Variants in PCDHGA3 observed in about 807,000 individuals in gnomAD.
PCDHGA3 encodes protocadherin gamma subfamily A, 3, also known as protocadherin gamma-A3.
Under a neutral mutation model 58.5 loss-of-function variants are expected in PCDHGA3, and 40 were observed. That is an observed-to-expected ratio of 0.68 (90% CI 0.53 to 0.89). The LOEUF is 0.89. PCDHGA3 is among the 40% of genes least tolerant of loss of function. The pLI is 0.00. For missense variants in PCDHGA3, 1,223 were observed against 1,195.9 expected (o/e 1.02, Z -0.33); for synonymous variants, 530 against 525.7 (o/e 1.01, Z -0.11).
At chr5:141,448,999 GT>G (rs910018882) in intron 1 of PCDHGA3, among the ~76,000 whole-genome samples, 2 of 151,816 alleles carry the variant, frequency 1.3e-5, no homozygotes, top group African/African-American at 4.8e-5. Context: ...ATAGAAAGCT[GT>G]TTTTTTTAAC....
At chr5:141,403,178 T>G in intron 1 of PCDHGA3, 3 of 1,613,980 alleles carry the variant, frequency 1.9e-6, no homozygotes, top group Non-Finnish European at 2.5e-6. Context: ...GCAGCTTTTC[T>G]CTCTGAACCC....
At chr5:141,388,062 G>A (rs1237358865) in intron 1 of PCDHGA3, 1 of 1,380,416 alleles carries the variant, frequency 7.2e-7, no homozygotes, top group African/African-American at 1.5e-5. Flanking sequence ...CAGCGTCCAG[G>A]AGTTACCGAC....
intron 1 of PCDHGA3, chr5:141,413,704 A>C (rs749988351): frequency 6.2e-7 from 1 of 1,613,616 alleles, no homozygotes; most frequent in South Asian, 1.1e-5. Flanking sequence ...CTATCAGCTC[A>C]GCCCCAATAA....
intron 1 of PCDHGA3, chr5:141,350,434 G>A (rs1758473968): frequency 6.2e-7 from 1 of 1,610,710 alleles, no homozygotes; most frequent in East Asian, 2.2e-5. Flanking sequence ...GTGTCCGGGA[G>A]TTGCCAACTC....
intron 1 of PCDHGA3, chr5:141,428,236 G>A (rs1474911413): frequency 9.7e-7 from 1 of 1,026,978 alleles, no homozygotes; most frequent in Admixed American, 1.9e-5. Context: ...CAGCCTGCAG[G>A]AGGCACTGCC....
At position 141,362,552 on chromosome 5, in the gene PCDHGA3, T is replaced by C. The variant is rs190493890; in HGVS notation, c.2424+16095T>C. 340 of 1,612,744 alleles carry C rather than the reference T, an allele frequency of 2.1e-4. 1 individual carries two copies. The East Asian group carries it at 6.1e-3, about 29-fold the overall frequency. ...GTCCCTTTTGCCTCAGATACTATTT[T>C]GAAGGTGAGCTTTAATTAATTTATT... On this transcript the variant is annotated intron_variant, in intron 1 of 3. Transcript: ENST00000253812.
chr5:141,491,361 C>T lies in PCDHGA3; in HGVS notation c.2425-3446C>T. 1 of 1,614,132 alleles carries T rather than the reference C, an allele frequency of 6.2e-7. No homozygotes were observed. The highest frequency in any genetic ancestry group is 8.5e-7 in the Non-Finnish European group (1 of 1,179,982). ...CGACCGTCAGTCTCTTATCCCTAGT[C>T]ACCTTCACCTTTCTGTCAGCGAAGT... On this transcript the variant is annotated intron_variant, in intron 1 of 3. Transcript: ENST00000253812. The surrounding 1 kb of genome is among the most constrained non-coding windows in gnomAD (Gnocchi z 6.9).
chr5:141,419,638 C>G, intron 1 of PCDHGA3: 1 of 1,612,456 alleles, frequency 6.2e-7, no homozygotes, highest in Non-Finnish European at 8.5e-7. Context: ...AGGTGGTGGC[C>G]GTGGACGCGG....
At chr5:141,449,796 A>G (rs1358409274) in intron 1 of PCDHGA3, among the ~76,000 whole-genome samples, 2 of 151,590 alleles carry the variant, frequency 1.3e-5, no homozygotes, top group Admixed American at 6.6e-5. Context: ...TTATTCCTAA[A>G]TACCTCATTG....
chr5:141,360,214 G>C (rs1164103342), intron 1 of PCDHGA3: 4 of 1,613,376 alleles, frequency 2.5e-6, no homozygotes, highest in Non-Finnish European at 3.4e-6. Context: ...TTTGTTCCCC[G>C]GGGCTCTCCC....
rs1326296096 is a variant in PCDHGA3, at chr5:141,505,460, A to G, written c.2551A>G (p.Met851Val). The change falls in exon 3 of 4, where the codon ATG becomes GTG. Residue 851 changes from methionine to valine, a missense_variant. Transcript: ENST00000253812. Reference protein sequence around the residue: ...NQFDTEMLQAMILASASEAAD... With the variant: ...NQFDTEMLQAVILASASEAAD... ...GTTTGACACAGAGATGCTGCAAGCC[A>G]TGATCTTGGCGTCCGCCAGTGGTAA... 2 of 1,614,070 alleles carry G rather than the reference A, an allele frequency of 1.2e-6. No homozygotes were observed. The highest frequency in any genetic ancestry group is 1.3e-5 in the African/African-American group (1 of 74,942).
chr5:141,415,890 C>A lies in PCDHGA3; in HGVS notation c.2424+69433C>A, dbSNP rs2095969500. The A allele has an allele frequency of 9.7e-6, 9 of 931,410 alleles. No homozygotes were observed. In the South Asian group the frequency reaches 2.3e-4, roughly 24 times the overall value. 57.7% of individuals were successfully genotyped at this position (931,410 alleles called of 1,614,324 possible). On this transcript the variant is annotated intron_variant, in intron 1 of 3. Coordinates refer to ENST00000253812, the MANE Select transcript of PCDHGA3 (RefSeq NM_018916.4). Reference sequence around the variant, plus strand: ...GTTGTTGAGTACAATATTGACAATTCCTAAGACAGACTTCCATACAGAAGT... The same window carrying A: ...GTTGTTGAGTACAATATTGACAATTACTAAGACAGACTTCCATACAGAAGT...
rs753002448 is a variant in PCDHGA3 at position 141,355,220 on chromosome 5, G to T, written c.2424+8763G>T. 3.1e-6 allele frequency: 5 copies of T among 1,607,878 alleles called. No homozygotes were observed. In the African/African-American group the frequency reaches 4.0e-5, roughly 13 times the overall value. ...GTTGTAATGGCGGCGCCTCCTGCTC[G>T]CCCAGACCACACCCGGCTGCTCCAG... On this transcript the variant is annotated intron_variant, in intron 1 of 3. Transcript: ENST00000253812.
At chr5:141,381,441 G>A (rs1777194515) in intron 1 of PCDHGA3, among the ~76,000 whole-genome samples, 1 of 152,202 alleles carries the variant, frequency 6.6e-6, no homozygotes, top group Admixed American at 6.5e-5. Flanking sequence ...ATCCTGTCAG[G>A]ACAGTCCTGC....
intron 1 of PCDHGA3, chr5:141,379,352 A>G (rs1189647778): frequency 1.3e-5 from 2 of 152,198 alleles, no homozygotes; most frequent in Non-Finnish European, 2.9e-5. Flanking sequence ...ATTTTCTTGT[A>G]TCTTTGTGAT....
rs1191643556 is a variant in PCDHGA3, at chr5:141,486,302, C to T, written c.2425-8505C>T. The T allele has an allele frequency of 2.5e-6, 4 of 1,613,918 alleles. No individual in the cohort carries two copies. The highest frequency in any genetic ancestry group is 3.4e-6 in the Non-Finnish European group (4 of 1,180,002). Reference sequence around the variant, plus strand: ...GGTGGCACTTATCAGTGTGCAGGATCCAGACTCAGGGTCAAACGGAGATGT... The same window carrying T: ...GGTGGCACTTATCAGTGTGCAGGATTCAGACTCAGGGTCAAACGGAGATGT... On this transcript the variant is annotated intron_variant, in intron 1 of 3. Coordinates refer to ENST00000253812, the MANE Select transcript of PCDHGA3 (RefSeq NM_018916.4). This position sits in a 1 kb window ranked among gnomAD's most constrained non-coding sequence, Gnocchi z 5.0.
chr5:141,427,220 T>G (rs1487350481), intron 1 of PCDHGA3: 1 of 456,710 alleles, frequency 2.2e-6, no homozygotes, highest in East Asian at 6.9e-5. Flanking sequence ...TTCGTAGCAG[T>G]TATACCATGA....
chr5:141,489,904 C>T lies in PCDHGA3; in HGVS notation c.2425-4903C>T, dbSNP rs750411680. On this transcript the variant is annotated intron_variant, in intron 1 of 3. Transcript: ENST00000253812. This position sits in a 1 kb window ranked among gnomAD's most constrained non-coding sequence, Gnocchi z 4.5. ...TGCTGTGGATGGGGGGACCCCAGCC[C>T]GCTCAGGGACCACCCTTATCTCTGT... 1.6e-5 allele frequency: 26 copies of T among 1,614,092 alleles called. No homozygotes were observed. The highest frequency in any genetic ancestry group is 3.3e-5 in the Admixed American group (2 of 60,014).
At chr5:141,352,843 T>C (rs1158383642) in intron 1 of PCDHGA3, 4 of 698,596 alleles carry the variant, frequency 5.7e-6, no homozygotes, top group East Asian at 2.7e-5. Context: ...CAAAAATTAG[T>C]TGGGTGTGGT....
Sources: gnomAD v4.1 joint callset for allele counts (sites outside exome capture counted in the v4.1 genomes callset) on GRCh38, gnomAD v4.1.1 for gene constraint, Gnocchi (gnomAD v3.1) non-coding constraint, MANE v1.5 for transcripts, NCBI Gene and HGNC (gene_info 2026-07-23, HGNC 2026-07-21) for gene names.